The following CDH12 variants were observed in gnomAD, a reference collection of about 807,000 sequenced individuals.
The protein encoded by CDH12 is cadherin 12.
A neutral mutation model predicts 74.1 loss-of-function variants in CDH12; 41 were observed. The ratio of observed to expected loss-of-function variants is 0.55; its 90% CI spans 0.43 to 0.72. The LOEUF (loss-of-function observed/expected upper bound fraction) is 0.72, where lower values mean the gene tolerates loss of function less well. CDH12 is among the 30% of genes least tolerant of loss of function. The pLI is 0.00. For missense variants in CDH12, 945 were observed against 977.2 expected, an observed-to-expected ratio of 0.97 and a Z score of 0.44; for synonymous variants, 399 against 355.0, an observed-to-expected ratio of 1.12 and a Z score of -1.39.
At position 22,811,975 on chromosome 5, in the gene CDH12, A is replaced by G. The variant is rs538667717; in HGVS notation, c.-523+41083T>C. ...CCTTCTGAAATAACATGGCAGAGAA[A>G]AGTGGACACTGGCTCTTTAGGGGCA... On this transcript the variant is annotated intron_variant, in intron 1 of 14. Coordinates refer to ENST00000382254, the MANE Select transcript of CDH12 (RefSeq NM_004061.5). Among the ~76,000 whole-genome samples the G allele has an allele frequency of 1.2e-4, 18 of 152,264 alleles. No individual in the cohort carries two copies. In the South Asian group the frequency reaches 3.5e-3, roughly 30 times the overall value.
chr5:22,355,178 T>C (rs1474923921), intron 3 of CDH12, among the ~76,000 whole-genome samples: 1 of 152,266 alleles, frequency 6.6e-6, no homozygotes, highest in Admixed American at 6.6e-5. Flanking sequence ...ATGACTGTCA[T>C]TACTAAACAA....
chr5:22,825,322 A>G lies in CDH12; in HGVS notation c.-523+27736T>C, dbSNP rs923503317. 9.2e-5 allele frequency among the ~76,000 whole-genome samples: 14 copies of G among 152,268 alleles called. 1 individual carries two copies. The highest frequency in any genetic ancestry group is 3.1e-4 in the African/African-American group (13 of 41,564). On this transcript the variant is annotated intron_variant, in intron 1 of 14. Transcript: ENST00000382254. Reference sequence around the variant, plus strand: ...AGACAACAAATTAGATACATTAAATAATGTCTGGGAAAGATTTATTAAATG... The same window carrying G: ...AGACAACAAATTAGATACATTAAATGATGTCTGGGAAAGATTTATTAAATG...
intron 1 of CDH12, among the ~76,000 whole-genome samples, chr5:22,632,199 C>T (rs1425824830): frequency 6.6e-6 from 1 of 152,018 alleles, no homozygotes; most frequent in African/African-American, 2.4e-5. Flanking sequence ...ACACATACAC[C>T]TCTGATACTA....
chr5:22,071,168 G>C (rs1012860315), intron 5 of CDH12, among the ~76,000 whole-genome samples: 2 of 151,628 alleles, frequency 1.3e-5, no homozygotes, highest in African/African-American at 4.8e-5. Flanking sequence ...AAAATTGTTT[G>C]CATAAAATTA....
Position 22,113,768 on chromosome 5 carries a change from T to C in CDH12, c.-186-34906A>G, listed in dbSNP as rs559754606. Among the ~76,000 whole-genome samples the C allele has an allele frequency of 2.3e-4, 35 of 152,270 alleles. No individual in the cohort carries two copies. In the South Asian group the frequency reaches 7.2e-3, roughly 32 times the overall value. ...TTGACCAAAAATACAGTTATTCTAA[T>C]AAATATCAAAATAGAATAATTTCTT... On this transcript the variant is annotated intron_variant, in intron 4 of 14. Transcript: ENST00000382254.
At chr5:22,794,459 C>A (rs1037459804) in intron 1 of CDH12, among the ~76,000 whole-genome samples, 3 of 152,110 alleles carry the variant, frequency 2.0e-5, no homozygotes, top group Non-Finnish European at 4.4e-5. Flanking sequence ...TTAACTGGAG[C>A]GGAGTCTGGG....
At chr5:22,691,641 C>CT (rs1742086915) in intron 1 of CDH12, among the ~76,000 whole-genome samples, 1 of 152,210 alleles carries the variant, frequency 6.6e-6, no homozygotes, top group Non-Finnish European at 1.5e-5. Context: ...ACAAGATCAT[C>CT]TGGGCCTATA....
chr5:22,672,384 A>T (rs904551501), intron 1 of CDH12, among the ~76,000 whole-genome samples: 2 of 151,918 alleles, frequency 1.3e-5, no homozygotes, highest in African/African-American at 4.8e-5. Flanking sequence ...AATAGTATTA[A>T]GAGGTAGGAT....
chr5:22,244,745 AAAGAAAGAAAG>A (rs1752876291), intron 3 of CDH12, among the ~76,000 whole-genome samples: 1 of 22,726 alleles, frequency 4.4e-5, no homozygotes, highest in Non-Finnish European at 1.5e-4. Flanking sequence ...GAAAGAAAAG[AAAGAAAGAAAG>A]AAAGAAAGAA....
chr5:22,535,553 T>G (rs1286602181), intron 1 of CDH12, among the ~76,000 whole-genome samples: 1 of 152,234 alleles, frequency 6.6e-6, no homozygotes, highest in Non-Finnish European at 1.5e-5. Context: ...AAGCATGTAT[T>G]CTTAATATTA....
At chr5:22,280,754 CCAGGACCAGATGGATT>C (rs1736842582) in intron 3 of CDH12, among the ~76,000 whole-genome samples, 1 of 152,076 alleles carries the variant, frequency 6.6e-6, no homozygotes, top group East Asian at 1.9e-4. Flanking sequence ...CAAAAAAAGT[CCAGGACCAGATGGATT>C]CACAGCTGAA....
chr5:21,814,052 G>A (rs754103316), intron 9 of CDH12, among the ~76,000 whole-genome samples: 1 of 151,986 alleles, frequency 6.6e-6, no homozygotes, highest in Non-Finnish European at 1.5e-5. Flanking sequence ...GAATGAAGTA[G>A]TGAAAGTTAT....
intron 1 of CDH12, among the ~76,000 whole-genome samples, chr5:22,809,220 C>A (rs994415875): frequency 1.3e-5 from 2 of 151,898 alleles, no homozygotes; most frequent in Middle Eastern, 3.4e-3. Flanking sequence ...ATATTTTATT[C>A]ATTAAGGCAT....
intron 1 of CDH12, among the ~76,000 whole-genome samples, chr5:22,742,217 A>G (rs965600640): frequency 6.6e-6 from 1 of 151,844 alleles, no homozygotes; most frequent in African/African-American, 2.4e-5. Context: ...AAAGGAAGAG[A>G]GAGAGAAAGA....
intron 6 of CDH12, among the ~76,000 whole-genome samples, chr5:21,894,710 T>TC (rs1753044695): frequency 1.3e-5 from 2 of 152,008 alleles, no homozygotes. Flanking sequence ...ATTCTAGGAC[T>TC]CCAGGTTTTT....
Position 21,751,651 on chromosome 5 carries a change from T to TGTGTGGGTGTGTGA in CDH12, c.*85_*86insTCACACACCCACAC, listed in dbSNP as rs766005547. The TGTGTGGGTGTGTGA allele has an allele frequency of 2.4e-5, 23 of 959,254 alleles. No homozygotes were observed. In the Middle Eastern group the frequency reaches 8.9e-4, roughly 37 times the overall value. 59.4% of individuals were successfully genotyped at this position (959,254 alleles called of 1,614,324 possible). A position where few individuals can be genotyped will look rare whatever the true frequency, so the allele number is the denominator to read the frequency against. ...GTGTGTTTGTGTGTGTGTGTGTGTGTGAGAGAGATTTCTATTAATATTTGT... is the reference window on the plus strand; with the variant it reads ...GTGTGTTTGTGTGTGTGTGTGTGTGTGTGTGGGTGTGTGAGAGAGAGATTTCTATTAATATTTGT... On this transcript the variant is annotated 3_prime_UTR_variant, in exon 15 of 15. Transcript: ENST00000382254.
At chr5:22,705,988 T>G (rs958657926) in intron 1 of CDH12, among the ~76,000 whole-genome samples, 1 of 152,102 alleles carries the variant, frequency 6.6e-6, no homozygotes, top group Non-Finnish European at 1.5e-5. Context: ...TCATAAAACA[T>G]GATATGACAT....
intron 1 of CDH12, among the ~76,000 whole-genome samples, chr5:22,742,341 G>GCTGC (rs1158853522): frequency 3.3e-5 from 5 of 152,268 alleles, no homozygotes; most frequent in African/African-American, 9.6e-5. Context: ...CTGAGTATGA[G>GCTGC]CTGCCCTCTG....
intron 7 of CDH12, among the ~76,000 whole-genome samples, chr5:21,854,205 C>T (rs1331323757): frequency 6.6e-6 from 1 of 151,614 alleles, no homozygotes; most frequent in African/African-American, 2.4e-5. Context: ...ATTGTCAAGT[C>T]TCTCCTTTCT....
Sources: allele counts gnomAD v4.1 joint callset (sites outside exome capture counted in the v4.1 genomes callset), GRCh38; gene constraint gnomAD v4.1.1; transcripts MANE v1.5; gene names NCBI Gene and HGNC (gene_info 2026-07-23, HGNC 2026-07-21).